EPHB1: variants seen among roughly 807,000 people sequenced by gnomAD.
The protein encoded by EPHB1 is EPH receptor B1.
A neutral mutation model predicts 94.4 loss-of-function variants in EPHB1; 30 were observed. The ratio of observed to expected loss-of-function variants is 0.32; its 90% confidence interval spans 0.24 to 0.43. The LOEUF is 0.43. Among genes scored for constraint, EPHB1 ranks in the 20% least tolerant of loss-of-function variants. EPHB1 has a pLI of 1.00. For missense variants in EPHB1, 1,055 were observed against 1,308.3 expected, an observed-to-expected ratio of 0.81 and a Z score of 2.99; for synonymous variants, 522 against 489.1, an observed-to-expected ratio of 1.07 and a Z score of -0.89.
intron 12 of EPHB1, among the ~76,000 whole-genome samples, chr3:135,233,029 G>T (rs1943569139): frequency 6.6e-6 from 1 of 152,158 alleles, no homozygotes; most frequent in South Asian, 2.1e-4. Context: ...AGATTCGGGT[G>T]GGGAGATAGC....
At chr3:134,885,489 A>G (rs2037844446) in intron 1 of EPHB1, among the ~76,000 whole-genome samples, 2 of 152,210 alleles carry the variant, frequency 1.3e-5, no homozygotes, top group South Asian at 4.1e-4. Context: ...AGGAAACTAA[A>G]TATGCCAACG....
chr3:135,236,403 AG>A lies in EPHB1; in HGVS notation c.2347-4743del, dbSNP rs371408231. Among the ~76,000 whole-genome samples, 86 of 152,092 alleles carry A rather than the reference AG, an allele frequency of 5.7e-4. 1 individual carries two copies. Among genetic ancestry groups the A allele is most frequent in the African/African-American group, 2.0e-3 (81 of 41,476 alleles). ...CATTTTAACTTGATTATATTTGCAA[AG>A]GCCCTGTTTCCAAAGAAGATCACAT... On this transcript the variant is annotated intron_variant, in intron 12 of 15. Transcript: ENST00000398015.
chr3:135,233,400 C>T (rs1013971393), intron 12 of EPHB1, among the ~76,000 whole-genome samples: 4 of 152,218 alleles, frequency 2.6e-5, no homozygotes, highest in Admixed American at 1.3e-4. Flanking sequence ...TTCCATGTCT[C>T]ACATCCAGGT....
chr3:134,996,021 G>A (rs1375326930), intron 3 of EPHB1, among the ~76,000 whole-genome samples: 1 of 151,852 alleles, frequency 6.6e-6, no homozygotes, highest in Non-Finnish European at 1.5e-5. Flanking sequence ...TCTCCTTCAT[G>A]TGAATGGATG....
chr3:135,011,276 T>C (rs1935612870), intron 3 of EPHB1, among the ~76,000 whole-genome samples: 1 of 152,178 alleles, frequency 6.6e-6, no homozygotes, highest in South Asian at 2.1e-4. Context: ...TTCTTTTAGG[T>C]CATTTGATTT....
At chr3:135,186,062 C>T (rs990905561) in intron 10 of EPHB1, among the ~76,000 whole-genome samples, 2 of 152,146 alleles carry the variant, frequency 1.3e-5, no homozygotes, top group Non-Finnish European at 1.5e-5. Context: ...ATTATAAGTG[C>T]TTGCTTATGA....
At chr3:134,801,941 G>T (rs2035941919) in intron 1 of EPHB1, among the ~76,000 whole-genome samples, 1 of 152,186 alleles carries the variant, frequency 6.6e-6, no homozygotes, top group Admixed American at 6.5e-5. Context: ...GAGGGCAGTG[G>T]GTTGGTTCTT....
intron 7 of EPHB1, among the ~76,000 whole-genome samples, chr3:135,164,816 A>G (rs1439129930): frequency 1.3e-5 from 2 of 151,700 alleles, no homozygotes; most frequent in Non-Finnish European, 2.9e-5. Context: ...CAAAAAAAAA[A>G]AAAAAAAAAA....
chr3:134,866,585 G>T (rs1457806404), intron 1 of EPHB1, among the ~76,000 whole-genome samples: 1 of 152,182 alleles, frequency 6.6e-6, no homozygotes, highest in Non-Finnish European at 1.5e-5. Context: ...TGGGAATAGG[G>T]CCTGGTCTGT....
chr3:134,986,947 G>T (rs7644898), intron 3 of EPHB1, among the ~76,000 whole-genome samples: 94,243 of 151,994 alleles, frequency 0.62, 30,735 homozygotes, highest in African/African-American at 0.79. Context: ...TGTGTTAATA[G>T]AGTCTTCTCA....
chr3:134,854,543 G>A (rs1470993846), intron 1 of EPHB1, among the ~76,000 whole-genome samples: 1 of 152,154 alleles, frequency 6.6e-6, no homozygotes, highest in Non-Finnish European at 1.5e-5. Context: ...GTCACTGACA[G>A]CATTCATTGC....
At chr3:134,863,778 T>C (rs1272929085) in intron 1 of EPHB1, among the ~76,000 whole-genome samples, 1 of 152,220 alleles carries the variant, frequency 6.6e-6, no homozygotes, top group East Asian at 1.9e-4. Context: ...CAGTTTCATA[T>C]ATAAAGTGGA....
intron 3 of EPHB1, among the ~76,000 whole-genome samples, chr3:135,026,426 A>T (rs1159120404): frequency 6.7e-6 from 1 of 149,726 alleles, no homozygotes; most frequent in Non-Finnish European, 1.5e-5. Context: ...TCAGCTTTCT[A>T]CATATGGCTA....
Position 135,259,270 on chromosome 3 carries a change from A to G in EPHB1, c.*150A>G, listed in dbSNP as rs1056626979. On this transcript the variant is annotated 3_prime_UTR_variant, in exon 16 of 16. Coordinates refer to ENST00000398015, the MANE Select transcript of EPHB1 (RefSeq NM_004441.5). ...TGAAGAATCAACCGGACCTGTTGCT[A>G]GCAGGCAATCTCCATTTCTCAGTGA... The G allele has an allele frequency of 1.7e-6, 1 of 573,760 alleles. No individual in the cohort carries two copies. The highest frequency in any genetic ancestry group is 1.9e-5 in the African/African-American group (1 of 52,972). 35.5% of individuals were successfully genotyped at this position (573,760 alleles called of 1,614,324 possible). A position where few individuals can be genotyped will look rare whatever the true frequency, so the allele number is the denominator to read the frequency against.
At chr3:134,924,354 G>T (rs181655048) in intron 1 of EPHB1, among the ~76,000 whole-genome samples, 3 of 152,134 alleles carry the variant, frequency 2.0e-5, no homozygotes, top group Admixed American at 2.0e-4. Flanking sequence ...ATCTGAAAAA[G>T]GAGTTGTATT....
At chr3:135,050,433 C>G (rs1433509838) in intron 3 of EPHB1, among the ~76,000 whole-genome samples, 2 of 152,150 alleles carry the variant, frequency 1.3e-5, no homozygotes, top group Non-Finnish European at 2.9e-5. Flanking sequence ...TTTTTGCCAT[C>G]ATATTGCAAC....
intron 3 of EPHB1, among the ~76,000 whole-genome samples, chr3:135,081,757 G>T (rs751014270): frequency 1.3e-5 from 2 of 152,070 alleles, no homozygotes; most frequent in Admixed American, 6.6e-5. Context: ...GGGCTGATTT[G>T]CCAGCGGACA....
intron 1 of EPHB1, among the ~76,000 whole-genome samples, chr3:134,904,479 G>A (rs2038275427): frequency 6.6e-6 from 1 of 152,160 alleles, no homozygotes; most frequent in Non-Finnish European, 1.5e-5. Flanking sequence ...GTGGTCTGTG[G>A]TCTGTGGTGG....
intron 1 of EPHB1, chr3:134,796,247 G>C (rs2035825202): frequency 6.1e-6 from 1 of 163,694 alleles, no homozygotes; most frequent in South Asian, 1.7e-4. Flanking sequence ...AGTGGCCGCC[G>C]AAGGAGAGGG....
Sources: allele counts gnomAD v4.1 joint callset (sites outside exome capture counted in the v4.1 genomes callset), GRCh38; gene constraint gnomAD v4.1.1; transcripts MANE v1.5; gene names NCBI Gene and HGNC (gene_info 2026-07-23, HGNC 2026-07-21).